The following IQGAP2 variants were observed in gnomAD, a reference collection of about 807,000 sequenced individuals.
IQGAP2 encodes the protein IQ motif containing GTPase activating protein 2, also known as ras GTPase-activating-like protein IQGAP2.
A neutral mutation model predicts 201.3 loss-of-function variants in IQGAP2; 173 were observed. The observed-to-expected ratio is 0.86, with a 90% confidence interval of 0.76 to 0.98. The LOEUF (loss-of-function observed/expected upper bound fraction) is 0.98. Among genes scored for constraint, IQGAP2 ranks in the 50% least tolerant of loss-of-function variants. The pLI is 0.00. For synonymous variants in IQGAP2, 675 were observed against 673.9 expected, an observed-to-expected ratio of 1.00 and a Z score of -0.03; for missense variants, 1,687 against 1,864.8, an observed-to-expected ratio of 0.90 and a Z score of 1.76.
chr5:76,704,529 A>G (rs1747701303), intron 35 of IQGAP2, among the ~76,000 whole-genome samples: 2 of 152,246 alleles, frequency 1.3e-5, no homozygotes, highest in Non-Finnish European at 1.5e-5. Flanking sequence ...ATCCTTAGCT[A>G]TATGCAGGTG....
Position 76,597,002 on chromosome 5 carries a change from G to T in IQGAP2, c.908-437G>T, listed in dbSNP as rs148383562. On this transcript the variant is annotated intron_variant, in intron 9 of 35. Transcript: ENST00000274364. ...TCTTCTTGTCACTTGAAGTCTCCTT[G>T]GGGAGACAGTACTAATGCACAAGGA... 3.3e-4 allele frequency: 53 copies of T among 160,400 alleles called. 1 individual carries two copies. The highest frequency in any genetic ancestry group is 5.2e-4 in the Non-Finnish European group (38 of 72,874). 9.9% of individuals were successfully genotyped at this position (160,400 alleles called of 1,614,324 possible).
intron 2 of IQGAP2, among the ~76,000 whole-genome samples, chr5:76,503,068 G>A (rs1369537538): frequency 6.6e-6 from 1 of 151,536 alleles, no homozygotes; most frequent in African/African-American, 2.4e-5. Context: ...CTTATGATAG[G>A]TTACTCCTGG....
At chr5:76,569,939 A>G (rs1744999532) in intron 3 of IQGAP2, among the ~76,000 whole-genome samples, 1 of 152,210 alleles carries the variant, frequency 6.6e-6, no homozygotes, top group Non-Finnish European at 1.5e-5. Flanking sequence ...AAGATACACA[A>G]AAGCTATTTT....
chr5:76,506,970 G>C (rs1165636315), intron 2 of IQGAP2, among the ~76,000 whole-genome samples: 6 of 152,188 alleles, frequency 3.9e-5, no homozygotes, highest in Non-Finnish European at 7.3e-5. Context: ...CCAAAGCAGT[G>C]CCAATCAAAA....
chr5:76,437,504 C>T (rs909518408), intron 1 of IQGAP2, among the ~76,000 whole-genome samples: 1 of 152,156 alleles, frequency 6.6e-6, no homozygotes, highest in Non-Finnish European at 1.5e-5. Flanking sequence ...AAGGCATTAG[C>T]TATTTATCCT....
At chr5:76,667,480 C>G (rs1398269436) in intron 22 of IQGAP2, among the ~76,000 whole-genome samples, 2 of 152,190 alleles carry the variant, frequency 1.3e-5, no homozygotes, top group African/African-American at 4.8e-5. Flanking sequence ...CATACTTCCT[C>G]TATAACCTGA....
chr5:76,693,725 A>C (rs1746482548), intron 31 of IQGAP2: 1 of 258,786 alleles, frequency 3.9e-6, no homozygotes, highest in Non-Finnish European at 7.4e-6. Context: ...AATGTTCATC[A>C]TAATGGGCAA....
At chr5:76,468,807 T>C (rs1754940488) in intron 2 of IQGAP2, among the ~76,000 whole-genome samples, 1 of 152,246 alleles carries the variant, frequency 6.6e-6, no homozygotes, top group South Asian at 2.1e-4. Context: ...CCATGTGCTA[T>C]TCGCTTTTCA....
chr5:76,672,591 A>G (rs1744433339), intron 24 of IQGAP2, among the ~76,000 whole-genome samples: 2 of 152,228 alleles, frequency 1.3e-5, no homozygotes, highest in Non-Finnish European at 2.9e-5. Context: ...CGTGGTATAG[A>G]TATACATTTG....
At chr5:76,619,514 CTTT>C (rs773323091) in intron 13 of IQGAP2, among the ~76,000 whole-genome samples, 8 of 104,260 alleles carry the variant, frequency 7.7e-5, no homozygotes, top group Admixed American at 1.0e-4. Flanking sequence ...TAAGGATCTT[CTTT>C]TTTTTTTTTT....
chr5:76,599,763 C>T (rs1295925474), intron 10 of IQGAP2, among the ~76,000 whole-genome samples: 1 of 151,852 alleles, frequency 6.6e-6, no homozygotes, highest in East Asian at 1.9e-4. Context: ...TATTAAATAC[C>T]TGTAATATCC....
At chr5:76,657,275 G>T (rs1266202743) in intron 20 of IQGAP2, among the ~76,000 whole-genome samples, 1 of 152,196 alleles carries the variant, frequency 6.6e-6, no homozygotes, top group Admixed American at 6.5e-5. Flanking sequence ...CCCTAACTTG[G>T]CTGCATGGAT....
chr5:76,457,029 AC>A lies in IQGAP2; in HGVS notation c.47-4538del, dbSNP rs200763745. On this transcript the variant is annotated intron_variant, in intron 1 of 35. Coordinates refer to ENST00000274364, the MANE Select transcript of IQGAP2 (RefSeq NM_006633.5). ...TTTTGAGACAGGGTCTTGCTTTGTCACCCAGGCTGGAATACAGTGGCGCGAT... is the reference window on the plus strand; with the variant it reads ...TTTTGAGACAGGGTCTTGCTTTGTCACCAGGCTGGAATACAGTGGCGCGAT... Among the ~76,000 whole-genome samples, 375 of 152,196 alleles carry A rather than the reference AC, an allele frequency of 2.5e-3. 5 individuals carry two copies. The highest frequency in any genetic ancestry group is 0.017 in the Admixed American group (257 of 15,284).
intron 4 of IQGAP2, among the ~76,000 whole-genome samples, chr5:76,571,581 GCAAA>G: frequency 6.6e-6 from 1 of 152,290 alleles, no homozygotes; most frequent in African/African-American, 2.4e-5. Context: ...ATTTAACTCA[GCAAA>G]CATTCAGTGC....
intron 12 of IQGAP2, among the ~76,000 whole-genome samples, chr5:76,610,104 ATATATATATATTTTTTTTTTT>A (rs1748208359): frequency 9.1e-5 from 2 of 21,942 alleles, no homozygotes; most frequent in Non-Finnish European, 1.6e-4. Flanking sequence ...ATATATATAT[ATATATATATATTTTTTTTTTT>A]TTTTTTTTTT....
chr5:76,637,043 A>G lies in IQGAP2; in HGVS notation c.1790A>G (p.Asp597Gly). Reference protein sequence around the residue: ...KELKSERVSSDGSWLKLNLHK... With the variant: ...KELKSERVSSGGSWLKLNLHK... ...AAACTTTTTTCTTTAGTGTCTAGTG[A>G]CGGTTCATGGCTCAAACTCAACCTG... is the stretch of plus-strand genomic sequence containing the variant. The change falls in exon 16 of 36, where the codon GAC becomes GGC. Residue 597 changes from aspartate to glycine, a missense_variant. By Grantham distance (94) the Asp-to-Gly change is moderately conservative. Transcript: ENST00000274364. 1 of 1,606,286 alleles carries G rather than the reference A, an allele frequency of 6.2e-7. No individual in the cohort carries two copies. Among genetic ancestry groups the G allele is most frequent in the Non-Finnish European group, 8.5e-7 (1 of 1,176,392 alleles).
At chr5:76,500,819 G>A (rs1757231252) in intron 2 of IQGAP2, among the ~76,000 whole-genome samples, 1 of 152,108 alleles carries the variant, frequency 6.6e-6, no homozygotes, top group Admixed American at 6.6e-5. Context: ...AGCCTTTCCG[G>A]TACCGTGCCT....
At position 76,496,773 on chromosome 5, in the gene IQGAP2, C is replaced by G. The variant is rs1315338519; in HGVS notation, c.146+35104C>G. On this transcript the variant is annotated intron_variant, in intron 2 of 35. Transcript: ENST00000274364. ...TCTTTCTTTCTTTCTTTCTTTCTTT[C>G]TTTCTTTCTTTCTTTCTTTCTCTTT... Among the ~76,000 whole-genome samples the G allele has an allele frequency of 2.6e-4, 20 of 75,488 alleles. 2 individuals carry two copies. Among genetic ancestry groups the G allele is most frequent in the African/African-American group, 1.2e-3 (20 of 16,040 alleles). 49.5% of individuals were successfully genotyped at this position (75,488 alleles called of 152,430 possible).
At chr5:76,513,944 C>T (rs10080194) in intron 2 of IQGAP2, among the ~76,000 whole-genome samples, 31,121 of 150,684 alleles carry the variant, frequency 0.21, 3,874 homozygotes, top group African/African-American at 0.35. Flanking sequence ...AGGGGCTATA[C>T]GGAAATCCTG....
Sources: allele counts gnomAD v4.1 joint callset (sites outside exome capture counted in the v4.1 genomes callset), GRCh38; gene constraint gnomAD v4.1.1; transcripts MANE v1.5; gene names NCBI Gene and HGNC (gene_info 2026-07-23, HGNC 2026-07-21).